The following ZBTB46 variants were observed in gnomAD, a reference collection of about 807,000 sequenced individuals.
ZBTB46 encodes zinc finger and BTB domain-containing protein 46.
A neutral mutation model predicts 44.1 loss-of-function variants in ZBTB46; 8 were observed. The ratio of observed to expected loss-of-function variants is 0.18; its 90% confidence interval spans 0.11 to 0.33. The LOEUF (loss-of-function observed/expected upper bound fraction) is 0.33, where lower values mean the gene tolerates loss of function less well. Among genes scored for constraint, ZBTB46 ranks in the 10% least tolerant of loss-of-function variants. ZBTB46 has a pLI of 1.00. For missense variants in ZBTB46, 651 were observed against 847.7 expected (o/e 0.77, Z 2.88); for synonymous variants, 409 against 382.3 (o/e 1.07, Z -0.81).
upstream of ZBTB46, among the ~76,000 whole-genome samples, chr20:63,832,039 TA>T (rs887601006): frequency 1.4e-3 from 215 of 151,594 alleles, no homozygotes; most frequent in African/African-American, 4.9e-3. The surrounding 1 kb of genome is among the most constrained non-coding windows in gnomAD (Gnocchi z 5.0). Context: ...TTTGGCTGAC[TA>T]GGGGCACCGG....
intron 1 of ZBTB46, among the ~76,000 whole-genome samples, chr20:63,801,855 G>A (rs139822031): frequency 2.0e-5 from 3 of 152,250 alleles, no homozygotes; most frequent in East Asian, 1.9e-4. Flanking sequence ...CAAAGCCACC[G>A]GCAGCTCCAC....
intron 3 of ZBTB46, among the ~76,000 whole-genome samples, chr20:63,761,073 G>C (rs958501792): frequency 3.5e-5 from 5 of 143,154 alleles, no homozygotes; most frequent in African/African-American, 1.3e-4. Context: ...ATCTCGGCTC[G>C]CTGCAACCTC....
chr20:63,831,710 C>A (rs2092853411), upstream of ZBTB46, among the ~76,000 whole-genome samples: 1 of 150,904 alleles, frequency 6.6e-6, no homozygotes, highest in Non-Finnish European at 1.5e-5. Flanking sequence ...CCGCTCCCTT[C>A]CCGGGCCGCG....
intron 1 of ZBTB46, among the ~76,000 whole-genome samples, chr20:63,800,564 G>A (rs1418365271): frequency 1.3e-5 from 2 of 152,258 alleles, no homozygotes; most frequent in Non-Finnish European, 2.9e-5. Flanking sequence ...GGTGTGGAGG[G>A]AGAGGCGTGG....
intron 3 of ZBTB46, among the ~76,000 whole-genome samples, chr20:63,762,144 A>G (rs995523213): frequency 3.3e-5 from 5 of 152,212 alleles, no homozygotes; most frequent in Non-Finnish European, 5.9e-5. Context: ...ATCCAATAAT[A>G]CAGAAAAAGA....
At chr20:63,795,416 G>T (rs559220746) in intron 1 of ZBTB46, among the ~76,000 whole-genome samples, 2 of 152,372 alleles carry the variant, frequency 1.3e-5, no homozygotes, top group African/African-American at 4.8e-5. Context: ...ACAGGACGCG[G>T]TGCAGTTACA....
rs911293365 is a variant in ZBTB46 at position 63,787,861 on chromosome 20, G to A, written c.937+1960C>T. On this transcript the variant is annotated intron_variant, in intron 2 of 4. Transcript: ENST00000245663. The surrounding 1 kb of genome is among the most constrained non-coding windows in gnomAD (Gnocchi z 4.6). ...CGGCTCTCGCAGATCTCTCAGCGAC[G>A]GAGAGGAGGGACCAGGGTCAGGAGA... 3.3e-5 allele frequency: 5 copies of A among 152,220 alleles called. No individual in the cohort carries two copies. Among genetic ancestry groups the A allele is most frequent in the South Asian group, 2.1e-4 (1 of 4,830 alleles). The allele number at this position is 152,220 out of a possible 1,614,324, so 9.4% of individuals were successfully genotyped here.
chr20:63,790,955 G>T (rs927850182), intron 1 of ZBTB46, 165 bp from the exon 2 acceptor site: 2 of 993,304 alleles, frequency 2.0e-6, no homozygotes, highest in Non-Finnish European at 2.8e-6. Context: ...CTGTGTCTCC[G>T]CCTGAAGCAG....
chr20:63,813,212 G>T (rs186425888), intron 1 of ZBTB46, among the ~76,000 whole-genome samples: 283 of 152,212 alleles, frequency 1.9e-3, no homozygotes, highest in African/African-American at 6.7e-3. Context: ...ACTTTGGGAG[G>T]CTGAGGCGGG....
intron 1 of ZBTB46, among the ~76,000 whole-genome samples, chr20:63,799,357 T>C (rs957856794): frequency 9.3e-5 from 14 of 151,064 alleles, no homozygotes; most frequent in African/African-American, 3.4e-4. Flanking sequence ...ACTAACTTTT[T>C]TTTTTCTTTT....
intron 3 of ZBTB46, among the ~76,000 whole-genome samples, chr20:63,764,983 G>A (rs2092306828): frequency 6.6e-6 from 1 of 151,490 alleles, no homozygotes; most frequent in African/African-American, 2.4e-5. Context: ...CAATGGCGCG[G>A]TCTCGGCTCA....
intron 1 of ZBTB46, among the ~76,000 whole-genome samples, chr20:63,806,407 C>CAAAAAA (rs58233169): frequency 1.5e-4 from 14 of 91,460 alleles, no homozygotes; most frequent in African/African-American, 3.6e-4. Flanking sequence ...AACTCCATCT[C>CAAAAAA]AAAAAAAAAA....
At chr20:63,777,458 C>A (rs1226395231) in intron 2 of ZBTB46, among the ~76,000 whole-genome samples, 1 of 152,010 alleles carries the variant, frequency 6.6e-6, no homozygotes, top group African/African-American at 2.4e-5. Flanking sequence ...CAGAGTGAGA[C>A]CCTATCTCAA....
chr20:63,778,499 T>G (rs2092442933), intron 2 of ZBTB46, among the ~76,000 whole-genome samples: 1 of 151,988 alleles, frequency 6.6e-6, no homozygotes, highest in Non-Finnish European at 1.5e-5. Context: ...GGGGCAGAGG[T>G]GACGTCTGCA....
chr20:63,775,628 A>C, intron 3 of ZBTB46, 50 bp downstream of exon 3: 1 of 1,513,188 alleles, frequency 6.6e-7, no homozygotes, highest in South Asian at 1.3e-5. Context: ...TGCAACCCTC[A>C]GCCTTCAAAA....
chr20:63,833,142 G>T (rs563188130), upstream of ZBTB46, among the ~76,000 whole-genome samples: 3 of 152,332 alleles, frequency 2.0e-5, no homozygotes, highest in African/African-American at 7.2e-5. Flanking sequence ...CATGTCCGTT[G>T]TCCATGCAGG....
rs1478373915 is a variant in ZBTB46, at chr20:63,777,086, C to T, written c.938-1124G>A. On this transcript the variant is annotated intron_variant, in intron 2 of 4. Transcript: ENST00000245663. ...TCCAGCACACGCCACGGTTCCACCA[C>T]ACGCCACGGTTCCAGCACACGCCAC... Among the ~76,000 whole-genome samples, 79 of 37,480 alleles carry T rather than the reference C, an allele frequency of 2.1e-3. 1 individual carries two copies. The highest frequency in any genetic ancestry group is 5.7e-3 in the African/African-American group (75 of 13,262). The allele number at this position is 37,480 out of a possible 152,430, so 24.6% of individuals were successfully genotyped here.
intron 2 of ZBTB46, among the ~76,000 whole-genome samples, chr20:63,781,004 G>A (rs1374686109): frequency 5.3e-5 from 8 of 150,186 alleles, no homozygotes; most frequent in African/African-American, 1.5e-4. Context: ...AGCTGGGCGC[G>A]GTGGCGGGTG....
intron 1 of ZBTB46, among the ~76,000 whole-genome samples, chr20:63,806,687 A>C (rs2092683707): frequency 6.6e-6 from 1 of 151,842 alleles, no homozygotes. Context: ...TGGCTCACTA[A>C]AACCTCCACC....
Sources: allele counts gnomAD v4.1 joint callset (sites outside exome capture counted in the v4.1 genomes callset), GRCh38; gene constraint gnomAD v4.1.1; non-coding constraint Gnocchi (gnomAD v3.1); transcripts MANE v1.5; gene names NCBI Gene and HGNC (gene_info 2026-07-23, HGNC 2026-07-21).